Variants in ACAP2 observed in about 807,000 individuals in gnomAD.
The protein encoded by ACAP2 is ArfGAP with coiled-coil, ankyrin repeat and PH domains 2, also known as arf-GAP with coiled-coil, ANK repeat and PH domain-containing protein 2.
Under a neutral mutation model 115.8 loss-of-function variants are expected in ACAP2, and 39 were observed. The ratio of observed to expected loss-of-function variants is 0.34; its 90% CI spans 0.26 to 0.44. The LOEUF (loss-of-function observed/expected upper bound fraction) is 0.44. Ranked by LOEUF, ACAP2 falls within the 20% of genes least tolerant of loss-of-function variation. The pLI, the probability that ACAP2 is intolerant of heterozygous loss-of-function variation, is 1.00. For synonymous variants in ACAP2, 289 were observed against 315.8 expected, an observed-to-expected ratio of 0.92 and a Z score of 0.90; for missense variants, 662 against 927.6, an observed-to-expected ratio of 0.71 and a Z score of 3.72.
intron 8 of ACAP2, among the ~76,000 whole-genome samples, chr3:195,327,206 G>A (rs553060081): frequency 1.7e-3 from 262 of 152,162 alleles, no homozygotes; most frequent in African/African-American, 6.0e-3. Flanking sequence ...ATACATATAC[G>A]ATTGCAGACC....
At chr3:195,392,460 T>A (rs1560321148) in intron 1 of ACAP2, among the ~76,000 whole-genome samples, 1 of 152,204 alleles carries the variant, frequency 6.6e-6, no homozygotes, top group Non-Finnish European at 1.5e-5. Flanking sequence ...ATTTTAAAAG[T>A]TGAGGTGTAC....
chr3:195,350,521 T>A (rs1731487214), intron 4 of ACAP2, among the ~76,000 whole-genome samples: 1 of 151,716 alleles, frequency 6.6e-6, no homozygotes, highest in Non-Finnish European at 1.5e-5. Flanking sequence ...GTGTAGCATG[T>A]GCCTGTGGTC....
intron 1 of ACAP2, among the ~76,000 whole-genome samples, chr3:195,430,127 T>C: frequency 6.6e-6 from 1 of 152,208 alleles, no homozygotes; most frequent in Admixed American, 6.5e-5. Context: ...TGTTCTCTAA[T>C]GATTTGTTTC....
intron 8 of ACAP2, among the ~76,000 whole-genome samples, chr3:195,331,182 A>G (rs1258490497): frequency 6.6e-6 from 1 of 152,152 alleles, no homozygotes; most frequent in Admixed American, 6.5e-5. Flanking sequence ...GTAGAGGCAG[A>G]AAACAGAATA....
chr3:195,427,562 TATTAC>T (rs372048483), intron 1 of ACAP2, among the ~76,000 whole-genome samples: 1 of 152,250 alleles, frequency 6.6e-6, no homozygotes, highest in African/African-American at 2.4e-5. Context: ...CTGTACAGTA[TATTAC>T]TTTACTGAAT....
intron 4 of ACAP2, among the ~76,000 whole-genome samples, chr3:195,362,971 G>C (rs919176872): frequency 2.0e-5 from 3 of 152,126 alleles, no homozygotes; most frequent in Admixed American, 2.0e-4. Flanking sequence ...AATAAGACAA[G>C]AGACTAAAAT....
At chr3:195,440,537 C>T (rs1487081193) in intron 1 of ACAP2, among the ~76,000 whole-genome samples, 1 of 152,092 alleles carries the variant, frequency 6.6e-6, no homozygotes, top group African/African-American at 2.4e-5. Context: ...TAAAGACAGC[C>T]CAATAGATCA....
At chr3:195,280,610 T>G (rs1445595427) in intron 22 of ACAP2, 2 of 152,210 alleles carry the variant, frequency 1.3e-5, no homozygotes, top group Non-Finnish European at 2.9e-5. Flanking sequence ...ATCTGTTAAA[T>G]TAGAAAAATA....
intron 4 of ACAP2, chr3:195,350,001 C>G: frequency 5.7e-6 from 1 of 176,122 alleles, no homozygotes; most frequent in South Asian, 1.2e-4. Context: ...TTTCAAAAAT[C>G]TGTCGAAAGT....
chr3:195,428,884 T>C (rs1196327215), intron 1 of ACAP2, among the ~76,000 whole-genome samples: 1 of 152,202 alleles, frequency 6.6e-6, no homozygotes, highest in Non-Finnish European at 1.5e-5. Flanking sequence ...TGCAGTTTCT[T>C]ATAAACACGT....
At chr3:195,303,854 A>G (rs1219781251) in intron 13 of ACAP2, among the ~76,000 whole-genome samples, 1 of 151,954 alleles carries the variant, frequency 6.6e-6, no homozygotes, top group African/African-American at 2.4e-5. Flanking sequence ...GGTCTATAAA[A>G]AGTCTTCTGG....
At chr3:195,405,973 C>T (rs1712737986) in intron 1 of ACAP2, among the ~76,000 whole-genome samples, 2 of 152,060 alleles carry the variant, frequency 1.3e-5, no homozygotes, top group Admixed American at 6.5e-5. Flanking sequence ...AGAAACTGCC[C>T]CCATGATCCA....
At chr3:195,348,126 A>G (rs1450520492) in intron 4 of ACAP2, among the ~76,000 whole-genome samples, 1 of 152,108 alleles carries the variant, frequency 6.6e-6, no homozygotes, top group African/African-American at 2.4e-5. Context: ...TTATTTTTAA[A>G]TGCATTAATA....
At chr3:195,398,637 C>CTAATTAAA (rs1712007564) in intron 1 of ACAP2, among the ~76,000 whole-genome samples, 1 of 142,776 alleles carries the variant, frequency 7.0e-6, no homozygotes, top group African/African-American at 2.6e-5. Flanking sequence ...AACTCCAACT[C>CTAATTAAA]TAAATAAATA....
chr3:195,305,942 C>T (rs1014606427), intron 13 of ACAP2, among the ~76,000 whole-genome samples: 2 of 151,958 alleles, frequency 1.3e-5, no homozygotes, highest in African/African-American at 4.8e-5. Flanking sequence ...ACCATACTCC[C>T]AACAATTATC....
At chr3:195,291,585 G>T in intron 20 of ACAP2, 121 bp downstream of exon 20, 1 of 644,432 alleles carries the variant, frequency 1.6e-6, no homozygotes, top group South Asian at 3.4e-5. Flanking sequence ...GACAAAATAA[G>T]TCATGGAACA....
chr3:195,422,158 T>A (rs2108835836), intron 1 of ACAP2, among the ~76,000 whole-genome samples: 1 of 152,320 alleles, frequency 6.6e-6, no homozygotes, highest in South Asian at 2.1e-4. Context: ...TACTCCCTTG[T>A]ACCCAATACC....
At chr3:195,383,834 A>G (rs1234942586) in intron 2 of ACAP2, among the ~76,000 whole-genome samples, 1 of 152,194 alleles carries the variant, frequency 6.6e-6, no homozygotes, top group Non-Finnish European at 1.5e-5. Flanking sequence ...ACATGCAGAG[A>G]TAATTACCCC....
Position 195,342,672 on chromosome 3 carries a change from T to C in ACAP2, c.345-18A>G. ...TAAGATCTCTAAGAAAAGAAAAACT[T>C]AGTGAAACTTTTATAACTTGCTTCA... On this transcript the variant is annotated intron_variant, in intron 5 of 22. Transcript: ENST00000326793. 6.4e-7 allele frequency: 1 copy of C among 1,572,380 alleles called. No homozygotes were observed. Among genetic ancestry groups the C allele is most frequent in the East Asian group, 2.2e-5 (1 of 44,624 alleles).
Sources: allele counts gnomAD v4.1 joint callset (sites outside exome capture counted in the v4.1 genomes callset), GRCh38; gene constraint gnomAD v4.1.1; transcripts MANE v1.5; gene names NCBI Gene and HGNC (gene_info 2026-07-23, HGNC 2026-07-21).